SLC35D1: variants seen among roughly 807,000 people sequenced by gnomAD.
The protein encoded by SLC35D1 is solute carrier family 35 member D1.
SLC35D1 carries 31 observed loss-of-function variants against 46.7 expected under a neutral mutation model. The observed-to-expected ratio is 0.66, with a 90% CI of 0.50 to 0.90. SLC35D1 has a LOEUF of 0.90. Ranked by LOEUF, SLC35D1 falls within the 40% of genes least tolerant of loss-of-function variation. The pLI is 0.00. For synonymous variants in SLC35D1, 195 were observed against 164.6 expected (o/e 1.18, Z -1.41); for missense variants, 397 against 426.2 (o/e 0.93, Z 0.60).
chr1:67,052,243 T>C (rs1161501973), intron 3 of SLC35D1, among the ~76,000 whole-genome samples, 164 bp from the exon 4 acceptor site: 1 of 152,026 alleles, frequency 6.6e-6, no homozygotes, highest in Admixed American at 6.6e-5. Context: ...CAAACAAAAC[T>C]TATGCTTGGA....
chr1:67,018,154 T>C (rs1667724373), intron 10 of SLC35D1, among the ~76,000 whole-genome samples: 1 of 152,186 alleles, frequency 6.6e-6, no homozygotes, highest in East Asian at 1.9e-4. Context: ...CAAAATTATG[T>C]CAGCCTCTTC....
the SLC35D1 span, among the ~76,000 whole-genome samples, chr1:66,992,455 A>G: frequency 2.0e-5 from 3 of 152,226 alleles, no homozygotes; most frequent in African/African-American, 7.2e-5. Flanking sequence ...CAAAGCCCAG[A>G]TGCGGTCCTT....
chr1:66,981,663 A>G, the SLC35D1 span: 1 of 744,176 alleles, frequency 1.3e-6, no homozygotes, highest in South Asian at 2.3e-5. Context: ...AAGCACTGGA[A>G]TGAATGTTAA....
rs374531477 is a variant in SLC35D1, at chr1:67,021,519, G to A, written c.797+16C>T. The A allele has an allele frequency of 1.1e-4, 185 of 1,613,336 alleles. No individual in the cohort carries two copies. The highest frequency in any genetic ancestry group is 3.3e-4 in the Middle Eastern group (2 of 6,080). On this transcript the variant is annotated intron_variant, in intron 9 of 11. Transcript: ENST00000235345. ...CTTTAGGAAAACTATCTGCTAACAA[G>A]GTAACAAAGGCTTACCCCATCACAC...
chr1:67,045,547 A>T (rs1332809007), intron 7 of SLC35D1, among the ~76,000 whole-genome samples: 1 of 151,962 alleles, frequency 6.6e-6, no homozygotes, highest in Non-Finnish European at 1.5e-5. Flanking sequence ...ATGAGCTAGG[A>T]GAAGTAATCA....
At chr1:67,051,667 A>G (rs1335981789) in intron 4 of SLC35D1, among the ~76,000 whole-genome samples, 1 of 152,230 alleles carries the variant, frequency 6.6e-6, no homozygotes, top group Non-Finnish European at 1.5e-5. Context: ...GAACTATACT[A>G]AAGAACTGAA....
At chr1:67,032,537 T>G (rs1430605031) in intron 8 of SLC35D1, among the ~76,000 whole-genome samples, 2 of 151,882 alleles carry the variant, frequency 1.3e-5, no homozygotes, top group Non-Finnish European at 2.9e-5. Context: ...AAAAATTAGC[T>G]GGGCGTGGTG....
intron 10 of SLC35D1, among the ~76,000 whole-genome samples, chr1:67,013,159 T>TATATATATATATATATATATATGG (rs1667608864): frequency 3.2e-5 from 1 of 30,934 alleles, no homozygotes; most frequent in Non-Finnish European, 9.4e-5. Context: ...ATCCTGGAGA[T>TATATATATATATATATATATATGG]ATATATATAT....
the SLC35D1 span, chr1:66,984,746 C>T: frequency 6.2e-7 from 1 of 1,613,834 alleles, no homozygotes; most frequent in Non-Finnish European, 8.5e-7. Context: ...CATATGACTG[C>T]AAGAAATGAA....
chr1:67,026,644 T>C (rs937654987), intron 8 of SLC35D1, among the ~76,000 whole-genome samples: 1 of 152,238 alleles, frequency 6.6e-6, no homozygotes, highest in African/African-American at 2.4e-5. Context: ...AATAGGGCTA[T>C]AATAGCCCTA....
At chr1:66,993,050 T>C in the SLC35D1 span, among the ~76,000 whole-genome samples, 2,451 of 152,328 alleles carry the variant, frequency 0.016, 67 homozygotes, top group African/African-American at 0.057. Context: ...GGTCTTTGTG[T>C]TTAGGGAAGA....
At chr1:67,044,610 ATTAAGGGAGAT>A (rs1645231327) in intron 7 of SLC35D1, among the ~76,000 whole-genome samples, 1 of 152,226 alleles carries the variant, frequency 6.6e-6, no homozygotes, top group African/African-American at 2.4e-5. Flanking sequence ...CGATGATAGT[ATTAAGGGAGAT>A]TTATGTTTTC....
chr1:67,051,553 G>C (rs1204787434), intron 4 of SLC35D1, among the ~76,000 whole-genome samples: 1 of 152,108 alleles, frequency 6.6e-6, no homozygotes, highest in East Asian at 1.9e-4. Context: ...ATTTTTATCA[G>C]GGTTCTAGCT....
At chr1:67,015,547 G>A (rs567118734) in intron 10 of SLC35D1, among the ~76,000 whole-genome samples, 16 of 151,976 alleles carry the variant, frequency 1.1e-4, no homozygotes, top group Non-Finnish European at 2.2e-4. Flanking sequence ...ATGCCACCAT[G>A]CTCAGCCAAT....
chr1:66,978,285 T>TG, the SLC35D1 span, among the ~76,000 whole-genome samples: 1 of 142,488 alleles, frequency 7.0e-6, no homozygotes, highest in African/African-American at 2.5e-5. Flanking sequence ...CAAGTTCATT[T>TG]ATAGGTAGGT....
At chr1:67,031,176 A>G (rs1354415163) in intron 8 of SLC35D1, among the ~76,000 whole-genome samples, 1 of 152,194 alleles carries the variant, frequency 6.6e-6, no homozygotes, top group East Asian at 1.9e-4. Flanking sequence ...AAAACAGAAA[A>G]ATAATTCTCA....
At chr1:66,988,046 G>A in the SLC35D1 span, 3 of 152,332 alleles carry the variant, frequency 2.0e-5, no homozygotes, top group East Asian at 3.8e-4. Flanking sequence ...CTTTGCTATC[G>A]ATGGATAATT....
intron 6 of SLC35D1, among the ~76,000 whole-genome samples, chr1:67,048,520 C>CT (rs947668160): frequency 6.6e-6 from 1 of 152,072 alleles, no homozygotes; most frequent in Non-Finnish European, 1.5e-5. Flanking sequence ...ACGCCACTCT[C>CT]TTTTTTTTAG....
At chr1:66,977,842 AT>A in the SLC35D1 span, among the ~76,000 whole-genome samples, 6 of 152,190 alleles carry the variant, frequency 3.9e-5, no homozygotes, top group African/African-American at 1.4e-4. Flanking sequence ...ATAAAAAAAA[AT>A]TGACTTTGTC....
Sources: allele counts gnomAD v4.1 joint callset (sites outside exome capture counted in the v4.1 genomes callset), GRCh38; gene constraint gnomAD v4.1.1; transcripts MANE v1.5; gene names NCBI Gene and HGNC (gene_info 2026-07-23, HGNC 2026-07-21).